The following PTPRN2 variants were observed in gnomAD, a reference collection of about 807,000 sequenced individuals.
PTPRN2 encodes the protein receptor-type tyrosine-protein phosphatase N2.
Under a neutral mutation model 118.8 loss-of-function variants are expected in PTPRN2, and 74 were observed. That is an observed-to-expected ratio of 0.62 (90% CI 0.52 to 0.76). The LOEUF is 0.76. PTPRN2 is among the 30% of genes least tolerant of loss of function. PTPRN2 has a pLI of 0.00. For missense variants in PTPRN2, 1,481 were observed against 1,394.4 expected, an observed-to-expected ratio of 1.06 and a Z score of -0.99; for synonymous variants, 641 against 608.0, an observed-to-expected ratio of 1.05 and a Z score of -0.80.
chr7:158,164,268 G>A (rs62480764), intron 6 of PTPRN2, among the ~76,000 whole-genome samples: 91,752 of 148,666 alleles, frequency 0.62, 29,459 homozygotes, highest in East Asian at 0.79. Context: ...GGAAGAGCAC[G>A]CAGAGCAAGA....
chr7:157,648,808 C>A (rs1310459053), intron 14 of PTPRN2, among the ~76,000 whole-genome samples: 2 of 145,430 alleles, frequency 1.4e-5, no homozygotes, highest in Non-Finnish European at 3.0e-5. Flanking sequence ...TGGGTCAGAC[C>A]CATCCAGCGT....
chr7:158,521,655 CA>C lies in PTPRN2; in HGVS notation c.113-31871del, dbSNP rs1563387671. Among the ~76,000 whole-genome samples the C allele has an allele frequency of 4.1e-4, 37 of 89,394 alleles. 3 individuals carry two copies. The highest frequency in any genetic ancestry group is 5.9e-4 in the Non-Finnish European group (28 of 47,740). 58.6% of individuals were successfully genotyped at this position (89,394 alleles called of 152,430 possible). A position where few individuals can be genotyped will look rare whatever the true frequency, so the allele number is the denominator to read the frequency against. On this transcript the variant is annotated intron_variant, in intron 1 of 22. Coordinates refer to ENST00000389418, the MANE Select transcript of PTPRN2 (RefSeq NM_002847.5). ...GTCCACGTCACAATGGTGGACTGTC[CA>C]GGTGCTGGCTCGGGAGGGAGGTCCA...
chr7:157,870,304 C>A (rs1421328668), intron 12 of PTPRN2, among the ~76,000 whole-genome samples: 1 of 152,168 alleles, frequency 6.6e-6, no homozygotes, highest in Non-Finnish European at 1.5e-5. Flanking sequence ...TTTTTCCTTG[C>A]AAATTGATGA....
At chr7:158,445,647 C>T (rs1288673424) in intron 2 of PTPRN2, among the ~76,000 whole-genome samples, 1 of 152,240 alleles carries the variant, frequency 6.6e-6, no homozygotes, top group African/African-American at 2.4e-5. Flanking sequence ...CAGGGCTGAA[C>T]GCAGACAGCC....
intron 3 of PTPRN2, among the ~76,000 whole-genome samples, chr7:158,213,332 A>G (rs778228851): frequency 1.3e-5 from 2 of 152,076 alleles, no homozygotes; most frequent in Non-Finnish European, 2.9e-5. Flanking sequence ...AGCTATCTTC[A>G]TGAACACACA....
rs139248947 is a variant in PTPRN2, at chr7:157,619,493, G to A, written c.2344+1869C>T. On this transcript the variant is annotated intron_variant, in intron 15 of 22. Transcript: ENST00000389418. This position sits in a 1 kb window ranked among gnomAD's most constrained non-coding sequence, Gnocchi z 5.3. ...CCCCCAGAGCCTGTTAGTAGCCCCC[G>A]ACACAGGGCCGGTGCTTAGTAAATA... Among the ~76,000 whole-genome samples the A allele has an allele frequency of 2.3e-3, 347 of 152,260 alleles. 1 individual carries two copies. Among genetic ancestry groups the A allele is most frequent in the African/African-American group, 7.8e-3 (323 of 41,558 alleles).
chr7:157,847,198 G>A (rs562015286), intron 12 of PTPRN2, among the ~76,000 whole-genome samples: 3 of 128,714 alleles, frequency 2.3e-5, no homozygotes, highest in African/African-American at 9.0e-5. Flanking sequence ...ACGTGTGCCC[G>A]ATGTTTACAG....
chr7:158,320,990 C>T (rs1802964398), intron 2 of PTPRN2, among the ~76,000 whole-genome samples: 1 of 152,138 alleles, frequency 6.6e-6, no homozygotes, highest in Admixed American at 6.5e-5. Flanking sequence ...CTTTGTTCTT[C>T]CGGGTCACTT....
intron 12 of PTPRN2, among the ~76,000 whole-genome samples, chr7:157,725,877 GAACCAGACCCTCGCCTCCCAGGAGAAC>G (rs1799558812): frequency 3.5e-5 from 4 of 114,976 alleles, no homozygotes; most frequent in Non-Finnish European, 5.3e-5. Context: ...GCAGAGGAGT[GAACCAGACCCTCGCCTCCCAGGAGAAC>G]TGGATATCCA....
At chr7:158,441,198 GTGA>G (rs1452247817) in intron 2 of PTPRN2, among the ~76,000 whole-genome samples, 4 of 144,038 alleles carry the variant, frequency 2.8e-5, no homozygotes, top group African/African-American at 7.7e-5. Flanking sequence ...GATAGTGATG[GTGA>G]TGGTGGTGGT....
chr7:157,802,193 G>A (rs1231495188), intron 12 of PTPRN2, among the ~76,000 whole-genome samples: 3 of 152,232 alleles, frequency 2.0e-5, no homozygotes. Context: ...ACCGCGTTGA[G>A]GCCGCGTCGC....
At chr7:158,220,351 A>G (rs1828268097) in intron 3 of PTPRN2, among the ~76,000 whole-genome samples, 1 of 152,146 alleles carries the variant, frequency 6.6e-6, no homozygotes, top group Admixed American at 6.5e-5. Context: ...AATAAAAGGT[A>G]TCCAAATAGG....
intron 13 of PTPRN2, among the ~76,000 whole-genome samples, chr7:157,681,152 T>C (rs149894206): frequency 6.6e-6 from 1 of 152,330 alleles, no homozygotes; most frequent in East Asian, 1.9e-4. Flanking sequence ...CTTTCCATTC[T>C]ATCAATATTT....
chr7:158,174,631 G>A (rs188622075), intron 5 of PTPRN2, among the ~76,000 whole-genome samples: 4 of 152,326 alleles, frequency 2.6e-5, no homozygotes, highest in African/African-American at 9.6e-5. Context: ...GAATAACTCA[G>A]ATGTGGCCCT....
At position 157,795,576 on chromosome 7, in the gene PTPRN2, T is replaced by A. The variant is rs1193116876; in HGVS notation, c.1788+103097A>T. Among the ~76,000 whole-genome samples the A allele has an allele frequency of 2.6e-5, 4 of 152,374 alleles. No individual in the cohort carries two copies. The East Asian group carries it at 7.7e-4, about 29-fold the overall frequency. On this transcript the variant is annotated intron_variant, in intron 12 of 22. Coordinates refer to ENST00000389418, the MANE Select transcript of PTPRN2 (RefSeq NM_002847.5). ...GCCACTTTCTGTGCTTGCTCTGACA[T>A]TTGCCCAAACTAACGTTGCTGAGGT...
At chr7:157,943,102 T>G (rs904020947) in intron 11 of PTPRN2, among the ~76,000 whole-genome samples, 3 of 152,186 alleles carry the variant, frequency 2.0e-5, no homozygotes, top group African/African-American at 7.2e-5. Flanking sequence ...CATTCATAAC[T>G]GTAGCTACCA....
chr7:158,249,872 C>T (rs1796549284), intron 3 of PTPRN2, among the ~76,000 whole-genome samples: 1 of 152,208 alleles, frequency 6.6e-6, no homozygotes, highest in Non-Finnish European at 1.5e-5. Context: ...CGCCACGTCC[C>T]TCCCCCAGTG....
At position 157,619,323 on chromosome 7, in the gene PTPRN2, T is replaced by C. The variant is rs916777573; in HGVS notation, c.2344+2039A>G. On this transcript the variant is annotated intron_variant, in intron 15 of 22. Coordinates refer to ENST00000389418, the MANE Select transcript of PTPRN2 (RefSeq NM_002847.5). This position sits in a 1 kb window ranked among gnomAD's most constrained non-coding sequence, Gnocchi z 5.3. ...ACAGAGACATATAATGCACGCTTAC[T>C]GCATGGCTATTTACCACGAACCATT... 6.6e-6 allele frequency among the ~76,000 whole-genome samples: 1 copy of C among 152,140 alleles called. No homozygotes were observed. The highest frequency in any genetic ancestry group is 1.5e-5 in the Non-Finnish European group (1 of 68,028).
intron 12 of PTPRN2, among the ~76,000 whole-genome samples, chr7:157,730,807 T>C (rs1799852831): frequency 6.6e-6 from 1 of 152,150 alleles, no homozygotes; most frequent in Admixed American, 6.5e-5. Context: ...CCTGGGCACA[T>C]GGCGGAGACA....
Sources: allele counts gnomAD v4.1 joint callset (sites outside exome capture counted in the v4.1 genomes callset), GRCh38; gene constraint gnomAD v4.1.1; non-coding constraint Gnocchi (gnomAD v3.1); transcripts MANE v1.5; gene names NCBI Gene and HGNC (gene_info 2026-07-23, HGNC 2026-07-21).